The following SLC7A2 variants were observed in gnomAD, a reference collection of about 807,000 sequenced individuals.
SLC7A2 encodes the protein cationic amino acid transporter 2.
In SLC7A2, 48 loss-of-function variants were observed where a neutral mutation model predicts 58.9. The ratio of observed to expected loss-of-function variants is 0.82; its 90% CI spans 0.65 to 1.04. The LOEUF (loss-of-function observed/expected upper bound fraction) is 1.04. Ranked by LOEUF, SLC7A2 falls within the 50% of genes least tolerant of loss-of-function variation. SLC7A2 has a pLI of 0.00. For missense variants in SLC7A2, 1,029 were observed against 818.8 expected, an observed-to-expected ratio of 1.26 and a Z score of -3.13; for synonymous variants, 363 against 314.5, an observed-to-expected ratio of 1.15 and a Z score of -1.63.
chr8:17,543,894 G>T (rs1208401363), intron 3 of SLC7A2, among the ~76,000 whole-genome samples, 179 bp downstream of exon 3: 1 of 151,896 alleles, frequency 6.6e-6, no homozygotes, highest in East Asian at 1.9e-4. Flanking sequence ...TTTTAAGACA[G>T]TCTCACTCTG....
Position 17,550,319 on chromosome 8 carries a change from C to CG in SLC7A2, c.719dup (p.Thr241AsnfsTer32). 1 of 1,613,818 alleles carries CG rather than the reference C, an allele frequency of 6.2e-7. No homozygotes were observed. ...TTCTTAGAGAGCCACCTTCTGAAAA[C>CG]GGAACAAGTATCTATGGGGCTGGTG... On this transcript the variant is annotated frameshift_variant, in exon 6 of 13. Transcript: ENST00000494857. LOFTEE classifies it high-confidence loss of function.
At chr8:17,495,767 C>G (rs950049100), upstream of SLC7A2, among the ~76,000 whole-genome samples, 4 of 152,196 alleles carry the variant, frequency 2.6e-5, no homozygotes, top group African/African-American at 9.6e-5. Flanking sequence ...CCAGACTGGT[C>G]TCGAACTCCT....
At chr8:17,495,652 C>T (rs1799939076), upstream of SLC7A2, among the ~76,000 whole-genome samples, 1 of 152,174 alleles carries the variant, frequency 6.6e-6, no homozygotes. Context: ...TGGGCTCAAG[C>T]GATTCTCCTG....
At chr8:17,502,233 C>G (rs368583208) in intron 1 of SLC7A2, 24 bp from the exon 2 acceptor site, 2 of 151,932 alleles carry the variant, frequency 1.3e-5, no homozygotes, top group Non-Finnish European at 2.9e-5. Flanking sequence ...CTTTAGTTAT[C>G]ACTCCCATCA....
At position 17,506,070 on chromosome 8, in the gene SLC7A2, A is replaced by G. The variant is rs142215157; in HGVS notation, c.-23+3768A>G. Among the ~76,000 whole-genome samples, 25 of 152,348 alleles carry G rather than the reference A, an allele frequency of 1.6e-4. No homozygotes were observed. In the East Asian group the frequency reaches 4.6e-3, roughly 28 times the overall value. On this transcript the variant is annotated intron_variant, in intron 2 of 12. Coordinates refer to ENST00000494857, the MANE Select transcript of SLC7A2 (RefSeq NM_001370338.1). ...TTAGGATTTGTAATGTTTTATTGCAAAAGAAAGCCCTCTTTTAAATGCGTT... is the reference window on the plus strand; with the variant it reads ...TTAGGATTTGTAATGTTTTATTGCAGAAGAAAGCCCTCTTTTAAATGCGTT...
At chr8:17,528,377 G>A (rs1202817082) in intron 2 of SLC7A2, among the ~76,000 whole-genome samples, 2 of 151,946 alleles carry the variant, frequency 1.3e-5, no homozygotes, top group Non-Finnish European at 2.9e-5. Context: ...TGGCCATTAC[G>A]CTTTTTTTGT....
Position 17,566,617 on chromosome 8 carries a change from GAATC to G in SLC7A2, c.*1474_*1477del, listed in dbSNP as rs1185239589. On this transcript the variant is annotated 3_prime_UTR_variant, in exon 13 of 13. Transcript: ENST00000494857. ...ATTATTTAAAACTGGAAACTAAAAA[GAATC>G]AAATTGAATTAAAGCTATATAAACA... The G allele has an allele frequency of 4.0e-5, 6 of 151,812 alleles. No individual in the cohort carries two copies. The highest frequency in any genetic ancestry group is 7.4e-5 in the Non-Finnish European group (5 of 68,004). The allele number at this position is 151,812 out of a possible 1,614,324, so 9.4% of individuals were successfully genotyped here.
At chr8:17,563,103 A>C (rs1803098296) in intron 11 of SLC7A2, among the ~76,000 whole-genome samples, 1 of 152,222 alleles carries the variant, frequency 6.6e-6, no homozygotes, top group African/African-American at 2.4e-5. Flanking sequence ...TCATAGTATC[A>C]CTGCACTCTA....
chr8:17,561,828 T>C, intron 10 of SLC7A2, 116 bp from the exon 11 acceptor site: 5 of 928,548 alleles, frequency 5.4e-6, no homozygotes, highest in Non-Finnish European at 8.2e-6. Context: ...ACTCTTTGTA[T>C]TTAGCCAAGT....
chr8:17,561,526 G>A (rs1478333258), intron 10 of SLC7A2, among the ~76,000 whole-genome samples: 3 of 152,118 alleles, frequency 2.0e-5, no homozygotes, highest in Non-Finnish European at 2.9e-5. Context: ...TGAGATTTGG[G>A]TGGGGACACA....
intron 2 of SLC7A2, among the ~76,000 whole-genome samples, chr8:17,541,702 A>G (rs1328444300): frequency 6.6e-6 from 1 of 152,134 alleles, no homozygotes; most frequent in Non-Finnish European, 1.5e-5. Flanking sequence ...CATTTTTGAT[A>G]TTTCTTTTGC....
chr8:17,519,973 C>A (rs538266322), intron 2 of SLC7A2, among the ~76,000 whole-genome samples: 1 of 152,178 alleles, frequency 6.6e-6, no homozygotes, highest in East Asian at 1.9e-4. Flanking sequence ...ACATCTTATT[C>A]CCCAACAATG....
chr8:17,543,608 G>T lies in SLC7A2; in HGVS notation c.269G>T (p.Gly90Val), dbSNP rs1164261250. 6.2e-7 allele frequency: 1 copy of T among 1,603,612 alleles called. No homozygotes were observed. The highest frequency in any genetic ancestry group is 8.5e-7 in the Non-Finnish European group (1 of 1,174,962). ...VMAGLCYAEF[G>V]ARVPKTGSAY... ...GCTGGCCTCTGCTATGCCGAATTTGGGGCCCGTGTTCCCAAGACGGGGTCT... is the reference window on the plus strand; with the variant it reads ...GCTGGCCTCTGCTATGCCGAATTTGTGGCCCGTGTTCCCAAGACGGGGTCT... The change falls in exon 3 of 13, where the codon GGG becomes GTG. Residue 90 changes from glycine to valine, a missense_variant. By Grantham distance (109) the Gly-to-Val change is moderately radical (BLOSUM62 -3). Coordinates refer to ENST00000494857, the MANE Select transcript of SLC7A2 (RefSeq NM_001370338.1).
chr8:17,533,571 G>T (rs1585222095), intron 2 of SLC7A2, among the ~76,000 whole-genome samples: 2 of 152,158 alleles, frequency 1.3e-5, no homozygotes, highest in Admixed American at 1.3e-4. Flanking sequence ...ATACACTTTG[G>T]CTCTCTTTGG....
chr8:17,530,057 TTCTCTTGGCAGGTGAA>T (rs1333103374), intron 2 of SLC7A2, among the ~76,000 whole-genome samples: 1 of 152,072 alleles, frequency 6.6e-6, no homozygotes, highest in Non-Finnish European at 1.5e-5. Flanking sequence ...TCTTGCCGGC[TTCTCTTGGCAGGTGAA>T]TGAGCGGGAG....
intron 2 of SLC7A2, among the ~76,000 whole-genome samples, chr8:17,529,166 T>C (rs886894939): frequency 6.6e-6 from 1 of 152,222 alleles, no homozygotes; most frequent in African/African-American, 2.4e-5. Flanking sequence ...TGCAGACTTA[T>C]TTAGACACTT....
At chr8:17,512,107 G>T (rs1404945921) in intron 2 of SLC7A2, among the ~76,000 whole-genome samples, 1 of 152,148 alleles carries the variant, frequency 6.6e-6, no homozygotes, top group Non-Finnish European at 1.5e-5. Flanking sequence ...TACACAAAAA[G>T]GACATGGATG....
At chr8:17,507,084 A>G (rs1479715229) in intron 2 of SLC7A2, among the ~76,000 whole-genome samples, 1 of 151,830 alleles carries the variant, frequency 6.6e-6, no homozygotes, top group Non-Finnish European at 1.5e-5. Flanking sequence ...AGCTGGGACC[A>G]TAGGCGGGCA....
At chr8:17,495,191 C>G (rs1302048847), upstream of SLC7A2, among the ~76,000 whole-genome samples, 2 of 152,116 alleles carry the variant, frequency 1.3e-5, no homozygotes, top group African/African-American at 4.8e-5. Context: ...AACGTGTAGC[C>G]TCGCCTCCTC....
Sources: gnomAD v4.1 joint callset for allele counts (sites outside exome capture counted in the v4.1 genomes callset) on GRCh38, gnomAD v4.1.1 for gene constraint, MANE v1.5 for transcripts, NCBI Gene and HGNC (gene_info 2026-07-23, HGNC 2026-07-21) for gene names.